Variants in IMMP2L observed in about 807,000 individuals in gnomAD.
IMMP2L encodes the protein mitochondrial inner membrane protease subunit 2.
In IMMP2L, 18 loss-of-function variants were observed where a neutral mutation model predicts 19.3. That is an observed-to-expected ratio of 0.93 (90% CI 0.64 to 1.38). The LOEUF (loss-of-function observed/expected upper bound fraction) is 1.38. IMMP2L is among the 40% of genes most tolerant of loss of function. The probability of loss-of-function intolerance (pLI) is 0.00; values close to 1 mark genes in which losing one functional copy is unlikely to be tolerated. For missense variants in IMMP2L, 233 were observed against 218.2 expected (o/e 1.07, Z -0.43); for synonymous variants, 76 against 73.0 (o/e 1.04, Z -0.21).
In IMMP2L at chr7:111,207,684, C is replaced by T. The variant is rs868784204; in HGVS notation, c.240-244119G>A. On this transcript the variant is annotated intron_variant, in intron 3 of 5. Coordinates refer to ENST00000405709, the MANE Select transcript of IMMP2L (RefSeq NM_032549.4). ...CTGAGTAGCTGGGACTACAGGTGCG[C>T]GCCGCCATGTCCAGCTAATTTTCAT... Among the ~76,000 whole-genome samples, 29 of 151,410 alleles carry T rather than the reference C, an allele frequency of 1.9e-4. 1 individual carries two copies. The highest frequency in any genetic ancestry group is 6.2e-4 in the South Asian group (3 of 4,802).
At chr7:111,288,477 A>AT (rs1317091131) in intron 3 of IMMP2L, among the ~76,000 whole-genome samples, 1 of 152,044 alleles carries the variant, frequency 6.6e-6, no homozygotes, top group Non-Finnish European at 1.5e-5. Flanking sequence ...CAGAAAAAGA[A>AT]TGAACAGGCA....
At chr7:111,463,190 T>C (rs963159566) in intron 3 of IMMP2L, among the ~76,000 whole-genome samples, 2 of 152,212 alleles carry the variant, frequency 1.3e-5, no homozygotes, top group East Asian at 3.9e-4. Context: ...TGTGTGTGTG[T>C]GTGTGTGTCC....
At chr7:111,233,811 G>A (rs989197677) in intron 3 of IMMP2L, among the ~76,000 whole-genome samples, 3 of 151,940 alleles carry the variant, frequency 2.0e-5, no homozygotes, top group Non-Finnish European at 4.4e-5. Context: ...ATAGTCTAAT[G>A]ATTATATACC....
intron 3 of IMMP2L, among the ~76,000 whole-genome samples, chr7:111,130,453 T>C (rs1349816876): frequency 6.6e-6 from 1 of 152,076 alleles, no homozygotes; most frequent in Non-Finnish European, 1.5e-5. Context: ...AAGAAACTAA[T>C]AGTATGATGT....
At chr7:110,920,286 C>T (rs778246105) in intron 4 of IMMP2L, among the ~76,000 whole-genome samples, 1 of 152,130 alleles carries the variant, frequency 6.6e-6, no homozygotes, top group Non-Finnish European at 1.5e-5. Flanking sequence ...CTCTAGGGAA[C>T]CCTAATACAG....
At chr7:111,384,161 A>G (rs1234156469) in intron 3 of IMMP2L, among the ~76,000 whole-genome samples, 4 of 151,590 alleles carry the variant, frequency 2.6e-5, no homozygotes, top group South Asian at 2.1e-4. Context: ...GATGAAGAAG[A>G]AGGAGGAGAA....
At chr7:111,390,236 C>G (rs1832209803) in intron 3 of IMMP2L, among the ~76,000 whole-genome samples, 1 of 152,126 alleles carries the variant, frequency 6.6e-6, no homozygotes, top group Non-Finnish European at 1.5e-5. Flanking sequence ...TGAGACAACT[C>G]TGAAGGCCAC....
intron 3 of IMMP2L, among the ~76,000 whole-genome samples, chr7:111,228,274 C>T (rs1813324033): frequency 6.6e-6 from 1 of 151,510 alleles, no homozygotes; most frequent in Non-Finnish European, 1.5e-5. Context: ...GGGACAGGAG[C>T]ACTTGGAACA....
chr7:110,725,394 C>T (rs1018064158), intron 5 of IMMP2L, among the ~76,000 whole-genome samples: 1 of 151,960 alleles, frequency 6.6e-6, no homozygotes, highest in Non-Finnish European at 1.5e-5. Flanking sequence ...TTTTCTTGGC[C>T]TCCTATCCTT....
chr7:111,154,806 G>A (rs1432108392), intron 3 of IMMP2L, among the ~76,000 whole-genome samples: 2 of 152,116 alleles, frequency 1.3e-5, no homozygotes, highest in Non-Finnish European at 2.9e-5. Flanking sequence ...CACCCAAGCC[G>A]GAGTACAGTG....
chr7:111,180,948 T>C (rs1465509847), intron 3 of IMMP2L, among the ~76,000 whole-genome samples: 1 of 152,050 alleles, frequency 6.6e-6, no homozygotes, highest in Admixed American at 6.6e-5. Context: ...GTTTACTTGA[T>C]TCTATTGGAA....
At chr7:111,198,114 C>A (rs1256297095) in intron 3 of IMMP2L, among the ~76,000 whole-genome samples, 2 of 152,092 alleles carry the variant, frequency 1.3e-5, no homozygotes, top group African/African-American at 4.8e-5. Flanking sequence ...GCCATGTATT[C>A]TTTTCCTGTC....
At chr7:111,269,606 A>G (rs1312469571) in intron 3 of IMMP2L, among the ~76,000 whole-genome samples, 1 of 152,164 alleles carries the variant, frequency 6.6e-6, no homozygotes, top group Non-Finnish European at 1.5e-5. Flanking sequence ...ATATGATGTT[A>G]AATGCAAGTT....
chr7:110,866,746 A>C (rs1038810791), intron 5 of IMMP2L, among the ~76,000 whole-genome samples: 4 of 152,142 alleles, frequency 2.6e-5, no homozygotes. Context: ...CAAAGGAGTA[A>C]ATCCCAAATC....
intron 4 of IMMP2L, among the ~76,000 whole-genome samples, chr7:110,955,852 T>G (rs920149064): frequency 6.9e-6 from 1 of 145,638 alleles, no homozygotes; most frequent in African/African-American, 2.8e-5. Context: ...ATGACATAAA[T>G]GAATGCATGA....
chr7:111,297,221 ACTAGTGAAAT>A (rs1474669596), intron 3 of IMMP2L, among the ~76,000 whole-genome samples: 1 of 152,044 alleles, frequency 6.6e-6, no homozygotes, highest in African/African-American at 2.4e-5. Flanking sequence ...TCCATATAAA[ACTAGTGAAAT>A]CTGAATAAGG....
intron 5 of IMMP2L, among the ~76,000 whole-genome samples, chr7:110,798,910 T>G (rs1801053087): frequency 1.3e-5 from 2 of 151,998 alleles, no homozygotes; most frequent in African/African-American, 4.8e-5. Context: ...ATGACATCAA[T>G]AGCCTCTTGC....
At position 111,065,900 on chromosome 7, in the gene IMMP2L, A is replaced by ATGTG. The variant is rs71151828; in HGVS notation, c.240-102339_240-102336dup. On this transcript the variant is annotated intron_variant, in intron 3 of 5. Transcript: ENST00000405709. ...TGTTTCTCTAGAGAACCCTAATACA[A>ATGTG]TGTGTGTGTGTGTGCGCGCGCGTGT... Among the ~76,000 whole-genome samples the ATGTG allele has an allele frequency of 4.1e-3, 613 of 150,698 alleles. 1 individual carries two copies. Among genetic ancestry groups the ATGTG allele is most frequent in the African/African-American group, 6.6e-3 (268 of 40,830 alleles).
chr7:111,461,690 T>C (rs1840150564), intron 3 of IMMP2L, among the ~76,000 whole-genome samples: 1 of 152,160 alleles, frequency 6.6e-6, no homozygotes, highest in South Asian at 2.1e-4. Flanking sequence ...CTTATGATGC[T>C]CTTTGCTCAT....
Sources: gnomAD v4.1 joint callset for allele counts (sites outside exome capture counted in the v4.1 genomes callset) on GRCh38, gnomAD v4.1.1 for gene constraint, MANE v1.5 for transcripts, NCBI Gene and HGNC (gene_info 2026-07-23, HGNC 2026-07-21) for gene names.